ARMC2: variants seen among roughly 807,000 people sequenced by gnomAD.
ARMC2 encodes armadillo repeat-containing protein 2.
In ARMC2, 67 loss-of-function variants were observed where a neutral mutation model predicts 90.3. That is an observed-to-expected ratio of 0.74 (90% CI 0.61 to 0.91). ARMC2 has a LOEUF of 0.91. ARMC2 is among the 40% of genes least tolerant of loss of function. The pLI is 0.00. For synonymous variants in ARMC2, 393 were observed against 393.0 expected (o/e 1.00, Z 0.00); for missense variants, 920 against 1,030.9 (o/e 0.89, Z 1.47).
intron 7 of ARMC2, among the ~76,000 whole-genome samples, chr6:108,901,691 A>G (rs182786601): frequency 1.3e-5 from 2 of 152,308 alleles, no homozygotes; most frequent in East Asian, 3.9e-4. Flanking sequence ...TTTTGGGATT[A>G]CAGGTGTGAG....
chr6:108,976,473 C>G (rs12198152), downstream of ARMC2, among the ~76,000 whole-genome samples: 29,762 of 151,900 alleles, frequency 0.2, 3,632 homozygotes, highest in African/African-American at 0.34. Context: ...GCTTAGGATT[C>G]TCTTGGCTAT....
At chr6:108,858,112 G>T in intron 2 of ARMC2, 87 bp from the exon 3 acceptor site, 1 of 1,057,380 alleles carries the variant, frequency 9.5e-7, no homozygotes, top group Non-Finnish European at 1.4e-6. Flanking sequence ...CCTTTTACTT[G>T]TTTTTTAGCT....
At chr6:108,942,495 C>T (rs911262279) in intron 12 of ARMC2, among the ~76,000 whole-genome samples, 31 of 152,304 alleles carry the variant, frequency 2.0e-4, no homozygotes, top group African/African-American at 6.5e-4. Context: ...AGTGGTTAGA[C>T]ACTTTGCCGC....
At chr6:109,008,586 A>G in the ARMC2 span, among the ~76,000 whole-genome samples, 1 of 152,254 alleles carries the variant, frequency 6.6e-6, no homozygotes, top group African/African-American at 2.4e-5. Flanking sequence ...TGCAGAAAAA[A>G]TAATTCACAT....
At chr6:108,907,856 G>T in intron 8 of ARMC2, 1 of 1,610,960 alleles carries the variant, frequency 6.2e-7, no homozygotes, top group South Asian at 1.1e-5. Flanking sequence ...GTCCTTCACT[G>T]GTACAACTGA....
At chr6:109,046,081 A>G in the ARMC2 span, among the ~76,000 whole-genome samples, 2 of 151,864 alleles carry the variant, frequency 1.3e-5, no homozygotes, top group Non-Finnish European at 2.9e-5. Context: ...ATCTAATGCA[A>G]TAAGATAATG....
At chr6:108,998,433 T>C in the ARMC2 span, 3 of 1,558,708 alleles carry the variant, frequency 1.9e-6, no homozygotes, top group Non-Finnish European at 2.6e-6. Context: ...TGGGTTTTTC[T>C]AAGAAGCCAA....
chr6:108,994,666 A>G, the ARMC2 span: 3 of 1,112,162 alleles, frequency 2.7e-6, no homozygotes, highest in Non-Finnish European at 3.8e-6. Context: ...TATATGAATT[A>G]TCTTTTAAGT....
intron 6 of ARMC2, among the ~76,000 whole-genome samples, chr6:108,896,574 G>C (rs1771634232): frequency 6.6e-6 from 1 of 152,130 alleles, no homozygotes. Context: ...TCCTGGGAGA[G>C]GGTTGGAAGG....
downstream of ARMC2, among the ~76,000 whole-genome samples, chr6:108,975,129 ATTTC>A (rs1484479533): frequency 6.6e-6 from 1 of 151,604 alleles, no homozygotes; most frequent in African/African-American, 2.4e-5. Context: ...TACATTAGGT[ATTTC>A]TTCTAATGCT....
the ARMC2 span, chr6:108,994,568 C>T: frequency 6.2e-7 from 1 of 1,613,492 alleles, no homozygotes; most frequent in Non-Finnish European, 8.5e-7. Context: ...ACTGCCTCAT[C>T]TTTTCCATGA....
At chr6:109,018,675 G>C in the ARMC2 span, among the ~76,000 whole-genome samples, 1 of 152,200 alleles carries the variant, frequency 6.6e-6, no homozygotes, top group African/African-American at 2.4e-5. Context: ...AATGCAAGTA[G>C]TTGTTTGAAA....
chr6:108,908,039 T>TA (rs1233062072), intron 8 of ARMC2, among the ~76,000 whole-genome samples: 8 of 152,218 alleles, frequency 5.3e-5, no homozygotes, highest in African/African-American at 1.9e-4. Context: ...TGCCATGTGT[T>TA]ACAGTTTCTG....
intron 11 of ARMC2, among the ~76,000 whole-genome samples, chr6:108,932,045 G>A (rs561704784): frequency 2.0e-4 from 30 of 152,110 alleles, no homozygotes; most frequent in African/African-American, 5.3e-4. Context: ...GATTATAGGC[G>A]TGAGCCACCG....
intron 10 of ARMC2, among the ~76,000 whole-genome samples, chr6:108,921,778 G>A (rs567447779): frequency 2.0e-5 from 3 of 152,328 alleles, no homozygotes; most frequent in Non-Finnish European, 2.9e-5. Context: ...GGTCTCTGGC[G>A]GCTGCGTTTA....
At chr6:108,880,360 A>C (rs912970809) in intron 5 of ARMC2, 1 of 173,462 alleles carries the variant, frequency 5.8e-6, no homozygotes, top group Non-Finnish European at 1.2e-5. Context: ...ACAGCAGTTG[A>C]TTCAGAGATG....
At chr6:109,028,254 G>T in the ARMC2 span, among the ~76,000 whole-genome samples, 1 of 152,160 alleles carries the variant, frequency 6.6e-6, no homozygotes, top group African/African-American at 2.4e-5. Flanking sequence ...TCTCTTCAGG[G>T]AATGGGATTA....
At chr6:108,905,538 GA>G (rs59313750) in intron 8 of ARMC2, among the ~76,000 whole-genome samples, 264 of 130,012 alleles carry the variant, frequency 2.0e-3, no homozygotes, top group East Asian at 0.015. Context: ...AAAGAGTGAG[GA>G]AAAAAAAAAA....
intron 12 of ARMC2, among the ~76,000 whole-genome samples, chr6:108,950,306 A>C (rs1430879197): frequency 1.3e-5 from 2 of 152,236 alleles, no homozygotes; most frequent in African/African-American, 4.8e-5. Flanking sequence ...TCATTCTATC[A>C]TAAAGACACA....
Sources: gnomAD v4.1 joint callset for allele counts (sites outside exome capture counted in the v4.1 genomes callset) on GRCh38, gnomAD v4.1.1 for gene constraint, MANE v1.5 for transcripts, NCBI Gene and HGNC (gene_info 2026-07-23, HGNC 2026-07-21) for gene names.